TTC6: variants seen among roughly 807,000 people sequenced by gnomAD.
TTC6 encodes tetratricopeptide repeat protein 6.
In TTC6, 172 loss-of-function variants were observed where a neutral mutation model predicts 210.4. The ratio of observed to expected loss-of-function variants is 0.82; its 90% confidence interval spans 0.72 to 0.93. The LOEUF (loss-of-function observed/expected upper bound fraction) is 0.93. Ranked by LOEUF, TTC6 falls within the 40% of genes least tolerant of loss-of-function variation. The probability of loss-of-function intolerance (pLI) is 0.00; values close to 1 mark genes in which losing one functional copy is unlikely to be tolerated. For missense variants in TTC6, 2,414 were observed against 2,318.1 expected, an observed-to-expected ratio of 1.04 and a Z score of -0.85; for synonymous variants, 804 against 819.6, an observed-to-expected ratio of 0.98 and a Z score of 0.32.
At chr14:37,692,947 A>G (rs2095807071) in intron 3 of TTC6, among the ~76,000 whole-genome samples, 1 of 152,136 alleles carries the variant, frequency 6.6e-6, no homozygotes, top group South Asian at 2.1e-4. Flanking sequence ...TATCATACTG[A>G]ATGGGGAAAA....
intron 14 of TTC6, among the ~76,000 whole-genome samples, chr14:37,786,790 T>G (rs992953357): frequency 6.6e-6 from 1 of 152,242 alleles, no homozygotes; most frequent in Non-Finnish European, 1.5e-5. Flanking sequence ...TTATTTCTTC[T>G]AAGTAGGCAA....
Position 37,628,449 on chromosome 14 carries a change from TG to T in TTC6, c.939+5450del, listed in dbSNP as rs370090911. Among the ~76,000 whole-genome samples the T allele has an allele frequency of 2.2e-3, 341 of 152,316 alleles. 1 individual carries two copies. Among genetic ancestry groups the T allele is most frequent in the African/African-American group, 7.8e-3 (324 of 41,580 alleles). On this transcript the variant is annotated intron_variant, in intron 1 of 30. Transcript: ENST00000553443. ...TTCATATCCTTCACCCCCTTTTTGA[TG>T]GGGTTGTTTTTTTTCCTGTAAATTT...
intron 1 of TTC6, among the ~76,000 whole-genome samples, chr14:37,625,295 C>T (rs2095658289): frequency 6.6e-6 from 1 of 151,964 alleles, no homozygotes; most frequent in Admixed American, 6.6e-5. Context: ...CGCTTGTAAT[C>T]CCAGCACTTT....
intron 1 of TTC6, among the ~76,000 whole-genome samples, chr14:37,637,081 G>A (rs939857976): frequency 4.0e-5 from 6 of 151,334 alleles, no homozygotes; most frequent in Admixed American, 1.3e-4. Flanking sequence ...ACATCCACAG[G>A]CAAAACAACA....
Position 37,622,256 on chromosome 14 carries a change from C to A in TTC6, c.192C>A (p.Arg64=), listed in dbSNP as rs572793573. The change falls in exon 1 of 31, where the codon CGC becomes CGA. Residue 64 remains arginine (R), a synonymous_variant. Coordinates refer to ENST00000553443, the Ensembl canonical transcript of TTC6. ...CCCCCGGCCCGGCCCGCCCCGCGCG[C>A]GTTTCCTGCGCCGCAGCCCGGACGT... 3.9e-6 allele frequency: 6 copies of A among 1,535,224 alleles called. No homozygotes were observed. In the East Asian group the frequency reaches 1.2e-4, roughly 31 times the overall value.
rs1293951241 is a variant in TTC6, at chr14:37,598,004, T to G, written c.-235+1996T>G. ...ACTTTCCCTGAGGTTTAAAAGCGAATCAGCAGGGTCGTGTTGGGTCTTTGA... is the reference window on the plus strand; with the variant it reads ...ACTTTCCCTGAGGTTTAAAAGCGAAGCAGCAGGGTCGTGTTGGGTCTTTGA... On this transcript the variant is annotated intron_variant, in intron 1 of 2. Transcript: ENST00000556845. The surrounding 1 kb of genome is among the most constrained non-coding windows in gnomAD (Gnocchi z 4.9). Among the ~76,000 whole-genome samples the G allele has an allele frequency of 6.6e-6, 1 of 152,168 alleles. No homozygotes were observed. The highest frequency in any genetic ancestry group is 2.4e-5 in the African/African-American group (1 of 41,426).
Position 37,700,336 on chromosome 14 carries a change from C to T in TTC6, c.1377-996C>T, listed in dbSNP as rs1369225416. Among the ~76,000 whole-genome samples, 4 of 152,192 alleles carry T rather than the reference C, an allele frequency of 2.6e-5. No individual in the cohort carries two copies. In the South Asian group the frequency reaches 6.2e-4, roughly 24 times the overall value. The stretch of plus-strand genomic sequence containing the variant: ...GATAATTATACCTCCAATACAGCTT[C>T]GTTGTGGGAATTAGAGAAAATGTGT... On this transcript the variant is annotated intron_variant, in intron 4 of 30. Coordinates refer to ENST00000553443, the Ensembl canonical transcript of TTC6.
At chr14:37,597,030 A>AG (rs755339210) in intron 1 of TTC6, among the ~76,000 whole-genome samples, 5 of 150,558 alleles carry the variant, frequency 3.3e-5, no homozygotes, top group Non-Finnish European at 5.9e-5. Flanking sequence ...TTTTACAAAA[A>AG]GGGTGGGGGG....
chr14:37,838,306 G>A (rs4898766), intron 29 of TTC6, among the ~76,000 whole-genome samples: 139,318 of 152,190 alleles, frequency 0.92, 63,891 homozygotes, highest in Non-Finnish European at 0.95. Flanking sequence ...AAAACAAATT[G>A]CTAGAAATGT....
chr14:37,693,591 TACAAA>T lies in TTC6; in HGVS notation c.1258-3115_1258-3111del, dbSNP rs1173414346. Among the ~76,000 whole-genome samples the T allele has an allele frequency of 1.2e-4, 18 of 150,902 alleles. 1 individual carries two copies. The South Asian group carries it at 3.4e-3, about 28-fold the overall frequency. On this transcript the variant is annotated intron_variant, in intron 3 of 30. Transcript: ENST00000553443. Reference sequence around the variant, plus strand: ...CCTAAGCAAACAAAAACAAAAACCATACAAAACAAAACAAACAAACAACGACAACA... The same window carrying T: ...CCTAAGCAAACAAAAACAAAAACCATACAAAACAAACAAACAACGACAACA...
At position 37,842,198 on chromosome 14, in the gene TTC6, A is replaced by T. The variant is rs773823947; in HGVS notation, c.5568A>T (p.Arg1856Ser). The T allele has an allele frequency of 1.0e-4, 161 of 1,608,780 alleles. 3 individuals are homozygous for T. In the South Asian group the frequency reaches 1.6e-3, roughly 16 times the overall value. Reference sequence around the variant, plus strand: ...ATGATGCTCTAGTATATAATTTTAGAGCAAAAGTTCGTGGTAAAATAGGTC... The same window carrying T: ...ATGATGCTCTAGTATATAATTTTAGTGCAAAAGTTCGTGGTAAAATAGGTC... Residue 1856 changes from arginine to serine, a missense_variant, in exon 31 of 31, where the codon AGA becomes AGT. By Grantham distance (110) the Arg-to-Ser change is moderately radical. Coordinates refer to ENST00000553443, the Ensembl canonical transcript of TTC6.
intron 1 of TTC6, among the ~76,000 whole-genome samples, chr14:37,658,731 A>G (rs1283345364): frequency 6.6e-6 from 1 of 152,220 alleles, no homozygotes; most frequent in Non-Finnish European, 1.5e-5. Flanking sequence ...CAAGAAAGAA[A>G]AGAAAAGTCC....
At chr14:37,709,538 T>G (rs1371959595) in intron 5 of TTC6, among the ~76,000 whole-genome samples, 1 of 152,040 alleles carries the variant, frequency 6.6e-6, no homozygotes, top group African/African-American at 2.4e-5. Flanking sequence ...AAGGAATTAT[T>G]TGAAAATTTG....
Position 37,718,012 on chromosome 14 carries a change from G to T in TTC6, c.1713+3216G>T, listed in dbSNP as rs1254857454. Among the ~76,000 whole-genome samples, 8 of 152,200 alleles carry T rather than the reference G, an allele frequency of 5.3e-5. No homozygotes were observed. In the East Asian group the frequency reaches 1.5e-3, roughly 29 times the overall value. On this transcript the variant is annotated intron_variant, in intron 6 of 30. Coordinates refer to ENST00000553443, the Ensembl canonical transcript of TTC6. ...GGACACAGTAAGAAGGCCTACATCA[G>T]ATGCTAGTGCCTCGATCTTGGACTT...
At chr14:37,842,469 A>G (rs1463396702), downstream of TTC6, 1 of 497,368 alleles carries the variant, frequency 2.0e-6, no homozygotes. Context: ...TAAAACATAT[A>G]TCATTTGCTG....
At chr14:37,814,433 A>G (rs914297702) in intron 25 of TTC6, among the ~76,000 whole-genome samples, 1 of 152,174 alleles carries the variant, frequency 6.6e-6, no homozygotes, top group African/African-American at 2.4e-5. Context: ...ATAAAAAAAT[A>G]TTAAAAGAAT....
chr14:37,658,270 T>C (rs1029835076), intron 1 of TTC6, among the ~76,000 whole-genome samples: 1 of 152,204 alleles, frequency 6.6e-6, no homozygotes, highest in Admixed American at 6.5e-5. Context: ...AAACAGGTGG[T>C]GAGCCAGATT....
Position 37,751,984 on chromosome 14 carries a change from C to T in TTC6, c.3129+759C>T, listed in dbSNP as rs191608279. Among the ~76,000 whole-genome samples, 819 of 151,930 alleles carry T rather than the reference C, an allele frequency of 5.4e-3. 7 individuals are homozygous for T. Among genetic ancestry groups the T allele is most frequent in the African/African-American group, 0.019 (802 of 41,442 alleles). ...GGCTACAGGTGCCCGCCACTATGCC[C>T]GGTTAATTTTTTTTGTATTTTTAGT... On this transcript the variant is annotated intron_variant, in intron 13 of 30. Transcript: ENST00000553443.
At chr14:37,800,844 T>G (rs953291864) in intron 20 of TTC6, among the ~76,000 whole-genome samples, 4 of 152,018 alleles carry the variant, frequency 2.6e-5, no homozygotes, top group African/African-American at 7.3e-5. Flanking sequence ...ACAGAGAGAG[T>G]ACAAAACGAA....
Sources: allele counts gnomAD v4.1 joint callset (sites outside exome capture counted in the v4.1 genomes callset), GRCh38; gene constraint gnomAD v4.1.1; non-coding constraint Gnocchi (gnomAD v3.1); transcripts MANE v1.5; gene names NCBI Gene and HGNC (gene_info 2026-07-23, HGNC 2026-07-21).